The following MTOR variants were observed in gnomAD, a reference collection of about 807,000 sequenced individuals.
The protein encoded by MTOR is serine/threonine-protein kinase mTOR.
A neutral mutation model predicts 319.8 loss-of-function variants in MTOR; 70 were observed. The ratio of observed to expected loss-of-function variants is 0.22; its 90% confidence interval spans 0.18 to 0.27. The LOEUF is 0.27. MTOR is among the 10% of genes least tolerant of loss of function. The pLI is 1.00. For synonymous variants in MTOR, 1,183 were observed against 1,211.4 expected (o/e 0.98, Z 0.49); for missense variants, 1,890 against 3,274.4 (o/e 0.58, Z 10.32).
intron 28 of MTOR, among the ~76,000 whole-genome samples, chr1:11,194,109 TG>T (rs1308678147): frequency 6.6e-6 from 1 of 152,144 alleles, no homozygotes; most frequent in African/African-American, 2.4e-5. Context: ...TGATACTGTT[TG>T]GGGACCCTTG....
chr1:11,189,500 T>C lies in MTOR; in HGVS notation c.4253+9758A>G, dbSNP rs916279250. The C allele has an allele frequency of 3.4e-6, 5 of 1,482,816 alleles. No individual in the cohort carries two copies. The African/African-American group carries it at 5.6e-5, about 17-fold the overall frequency. The allele number at this position is 1,482,816 out of a possible 1,614,324, so 91.9% of individuals were successfully genotyped here. ...GTGAAAGCGTAAGGTTCAGTCAGCC[T>C]GCTGCAGCTTTGCAGACCTCAGCTG... On this transcript the variant is annotated intron_variant, in intron 28 of 57. Transcript: ENST00000361445.
rs142007315 is a variant in MTOR, at chr1:11,228,581, T to C, written c.3030+87A>G. 6.2e-4 allele frequency: 950 copies of C among 1,533,554 alleles called. 7 individuals are homozygous for C. In the African/African-American group the frequency reaches 0.011, roughly 18 times the overall value. The allele number at this position is 1,533,554 out of a possible 1,614,324, so 95.0% of individuals were successfully genotyped here. A position where few individuals can be genotyped will look rare whatever the true frequency, so the allele number is the denominator to read the frequency against. ...GCATTGGGCTCAGGGGCACAGAGAATGCACAATTAAGAAGCTGAAGCACAG... is the reference window on the plus strand; with the variant it reads ...GCATTGGGCTCAGGGGCACAGAGAACGCACAATTAAGAAGCTGAAGCACAG... On this transcript the variant is annotated intron_variant, in intron 19 of 57. Transcript: ENST00000361445.
At chr1:11,241,774 T>C (rs1372993940) in intron 9 of MTOR, 93 bp from the exon 10 acceptor site, 1 of 1,472,622 alleles carries the variant, frequency 6.8e-7, no homozygotes, top group East Asian at 2.3e-5. Context: ...AGCAGGTTAC[T>C]CAGGCAGGGC....
At position 11,217,632 on chromosome 1, in the gene MTOR, C is replaced by T. The variant is rs1401429385; in HGVS notation, c.3031-1398G>A. ...TTCACCGTGTTAGCCAGGATGGTCT[C>T]GCTCTCTTGACTTCATGATCCGCCC... On this transcript the variant is annotated intron_variant, in intron 19 of 57. Coordinates refer to ENST00000361445, the MANE Select transcript of MTOR (RefSeq NM_004958.4). 4.0e-5 allele frequency among the ~76,000 whole-genome samples: 6 copies of T among 149,802 alleles called. No homozygotes were observed. In the South Asian group the frequency reaches 6.4e-4, roughly 16 times the overall value.
At chr1:11,239,902 CAAA>C (rs36052220) in intron 11 of MTOR, among the ~76,000 whole-genome samples, 28 of 121,892 alleles carry the variant, frequency 2.3e-4, no homozygotes, top group Admixed American at 2.3e-4. Context: ...GACTTTGTCT[CAAA>C]AAAAAAAAAA....
chr1:11,110,467 A>G (rs1461033441), intron 54 of MTOR, among the ~76,000 whole-genome samples: 1 of 151,678 alleles, frequency 6.6e-6, no homozygotes, highest in Non-Finnish European at 1.5e-5. Flanking sequence ...CAGTGGCATG[A>G]TATCGGCTCA....
chr1:11,177,516 C>A (rs770643181), intron 28 of MTOR, among the ~76,000 whole-genome samples: 10 of 152,182 alleles, frequency 6.6e-5, no homozygotes, highest in Admixed American at 2.6e-4. Flanking sequence ...TACAATCGCA[C>A]CACTGCACTC....
intron 1 of MTOR, 36 bp from the exon 2 acceptor site, chr1:11,259,459 G>C: frequency 6.7e-7 from 1 of 1,502,224 alleles, no homozygotes; most frequent in East Asian, 2.4e-5. Context: ...TTCTGGATAA[G>C]AAAGTATGAT....
intron 36 of MTOR, among the ~76,000 whole-genome samples, chr1:11,137,971 T>G (rs1382973086): frequency 6.6e-6 from 1 of 152,198 alleles, no homozygotes; most frequent in African/African-American, 2.4e-5. Context: ...TATGAAGATA[T>G]GACATCTCTA....
intron 51 of MTOR, 103 bp from the exon 52 acceptor site, chr1:11,114,990 A>G (rs901551057): frequency 2.0e-5 from 19 of 946,220 alleles, no homozygotes; most frequent in South Asian, 2.8e-5. Flanking sequence ...ACTGATTTTA[A>G]TTATAGCAGG....
At chr1:11,130,981 C>G (rs528102957) in intron 38 of MTOR, 5 of 657,070 alleles carry the variant, frequency 7.6e-6, no homozygotes, top group South Asian at 2.0e-5. Flanking sequence ...AACTATATAA[C>G]GTACTATGAG....
At position 11,106,630 on chromosome 1, in the gene MTOR, G is replaced by A; in HGVS notation, c.*855C>T. 2 of 1,090,294 alleles carry A rather than the reference G, an allele frequency of 1.8e-6. No individual in the cohort carries two copies. Among genetic ancestry groups the A allele is most frequent in the Non-Finnish European group, 2.2e-6 (2 of 893,576 alleles). 67.5% of individuals were successfully genotyped at this position (1,090,294 alleles called of 1,614,324 possible). ...CTACACTTTATACTTTGTGCATTTA[G>A]TTGAGTATTTGTTCTGCTCATAATT... is the stretch of plus-strand genomic sequence containing the variant. On this transcript the variant is annotated 3_prime_UTR_variant, in exon 58 of 58. Transcript: ENST00000361445.
intron 28 of MTOR, among the ~76,000 whole-genome samples, chr1:11,196,271 C>T (rs1347952418): frequency 6.6e-6 from 1 of 152,174 alleles, no homozygotes; most frequent in East Asian, 1.9e-4. Context: ...CAGACCTTAC[C>T]CTAATGCTCG....
At chr1:11,150,640 T>A (rs1644108411) in intron 30 of MTOR, among the ~76,000 whole-genome samples, 1 of 152,192 alleles carries the variant, frequency 6.6e-6, no homozygotes, top group African/African-American at 2.4e-5. Flanking sequence ...CTCCTAAAAG[T>A]ATTATACCAA....
At chr1:11,147,582 T>G (rs1643977458) in intron 31 of MTOR, among the ~76,000 whole-genome samples, 1 of 152,254 alleles carries the variant, frequency 6.6e-6, no homozygotes, top group Non-Finnish European at 1.5e-5. Context: ...CCATTCTCTA[T>G]GCCTCTGGGC....
rs531961136 is a variant in MTOR, at chr1:11,149,200, A to T, written c.4570+926T>A. The T allele has an allele frequency of 1.1e-4, 16 of 152,320 alleles. 1 individual carries two copies. The South Asian group carries it at 3.3e-3, about 32-fold the overall frequency. 9.4% of individuals were successfully genotyped at this position (152,320 alleles called of 1,614,324 possible). ...AATATCCAAACCTATTGCCAAAGAG[A>T]TTGGTTCTTTGAGTAGCATGTGACT... is the stretch of plus-strand genomic sequence containing the variant. On this transcript the variant is annotated intron_variant, in intron 31 of 57. Transcript: ENST00000361445.
At chr1:11,144,576 A>T in intron 34 of MTOR, 72 bp downstream of exon 34, 1 of 1,286,486 alleles carries the variant, frequency 7.8e-7, no homozygotes, top group Non-Finnish European at 1.1e-6. Flanking sequence ...GCCAGGGTGG[A>T]GGGGGGCACT....
chr1:11,124,415 T>C (rs760052948), intron 47 of MTOR, 83 bp downstream of exon 47: 3 of 1,526,180 alleles, frequency 2.0e-6, no homozygotes, highest in Admixed American at 1.9e-5. Flanking sequence ...TTTGTTAAGA[T>C]ATAATACATG....
chr1:11,214,473 AG>A (rs1313941167), intron 20 of MTOR, among the ~76,000 whole-genome samples: 2 of 152,340 alleles, frequency 1.3e-5, no homozygotes, highest in South Asian at 2.1e-4. Context: ...CATCTTTAAA[AG>A]TTCTGGAGTA....
Sources: allele counts gnomAD v4.1 joint callset (sites outside exome capture counted in the v4.1 genomes callset), GRCh38; gene constraint gnomAD v4.1.1; transcripts MANE v1.5; gene names NCBI Gene and HGNC (gene_info 2026-07-23, HGNC 2026-07-21).